The following KIF16B variants were observed in gnomAD, a reference collection of about 807,000 sequenced individuals.
KIF16B encodes the protein kinesin-like protein KIF16B.
In KIF16B, 98 loss-of-function variants were observed where a neutral mutation model predicts 156.3. The ratio of observed to expected loss-of-function variants is 0.63; its 90% confidence interval spans 0.53 to 0.74. KIF16B has a LOEUF of 0.74. Among genes scored for constraint, KIF16B ranks in the 30% least tolerant of loss-of-function variants. The pLI, the probability that KIF16B is intolerant of heterozygous loss-of-function variation, is 0.00. For synonymous variants in KIF16B, 564 were observed against 583.7 expected (o/e 0.97, Z 0.49); for missense variants, 1,421 against 1,606.5 (o/e 0.88, Z 1.97).
chr20:16,530,498 GC>G (rs924376390), intron 1 of KIF16B, among the ~76,000 whole-genome samples: 3 of 152,116 alleles, frequency 2.0e-5, no homozygotes, highest in African/African-American at 7.2e-5. Flanking sequence ...GGAAACAGGG[GC>G]CCGCTAGCAG....
At chr20:16,564,987 C>T (rs1026258410) in intron 1 of KIF16B, among the ~76,000 whole-genome samples, 4 of 152,042 alleles carry the variant, frequency 2.6e-5, no homozygotes, top group African/African-American at 4.8e-5. Flanking sequence ...CTCTCCATGC[C>T]CCTTCTCTCT....
intron 17 of KIF16B, among the ~76,000 whole-genome samples, chr20:16,395,222 GGGAGA>G (rs2146196165): frequency 3.0e-5 from 2 of 67,078 alleles, no homozygotes; most frequent in Admixed American, 1.5e-4. Flanking sequence ...GGGAGGGGAG[GGGAGA>G]GGAGGAGAGG....
At chr20:16,340,341 T>C (rs1429046822) in intron 23 of KIF16B, among the ~76,000 whole-genome samples, 2 of 152,224 alleles carry the variant, frequency 1.3e-5, no homozygotes, top group Non-Finnish European at 2.9e-5. Flanking sequence ...TCTTCTTCCC[T>C]AAATTATTTT....
intron 18 of KIF16B, among the ~76,000 whole-genome samples, chr20:16,381,022 G>T (rs188666102): frequency 1.2e-4 from 18 of 152,298 alleles, no homozygotes; most frequent in Admixed American, 5.2e-4. Context: ...TTACTTTGCA[G>T]ATTTTCTATA....
intron 12 of KIF16B, among the ~76,000 whole-genome samples, chr20:16,453,539 A>G (rs1358331479): frequency 2.6e-5 from 4 of 152,150 alleles, no homozygotes; most frequent in Non-Finnish European, 5.9e-5. Flanking sequence ...AAAACACTGG[A>G]AAAAAATATT....
At chr20:16,340,589 T>C (rs1007923877) in intron 23 of KIF16B, among the ~76,000 whole-genome samples, 4 of 152,214 alleles carry the variant, frequency 2.6e-5, no homozygotes, top group African/African-American at 4.8e-5. Context: ...GAATCAGCAA[T>C]GGCTTTTTTA....
chr20:16,319,411 C>T (rs932885740), intron 24 of KIF16B, among the ~76,000 whole-genome samples: 18 of 152,116 alleles, frequency 1.2e-4, no homozygotes, highest in African/African-American at 4.1e-4. Context: ...TCTGATCCTA[C>T]ACACGAGGAG....
intron 10 of KIF16B, among the ~76,000 whole-genome samples, chr20:16,499,614 T>C (rs193016278): frequency 2.0e-5 from 3 of 152,338 alleles, no homozygotes; most frequent in East Asian, 3.9e-4. Context: ...TTATATGTGG[T>C]TGACAATTTT....
At chr20:16,472,559 A>G (rs2067692499) in intron 12 of KIF16B, among the ~76,000 whole-genome samples, 1 of 150,990 alleles carries the variant, frequency 6.6e-6, no homozygotes, top group Admixed American at 6.6e-5. Context: ...AAATTAAAAA[A>G]AAAAAAAAAA....
At chr20:16,553,815 C>T (rs941348677) in intron 1 of KIF16B, among the ~76,000 whole-genome samples, 1 of 134,686 alleles carries the variant, frequency 7.4e-6, no homozygotes, top group African/African-American at 2.7e-5. Flanking sequence ...TCCACAGAGC[C>T]AGCAGGAGCC....
At chr20:16,472,730 A>G (rs2067698801) in intron 12 of KIF16B, among the ~76,000 whole-genome samples, 1 of 152,110 alleles carries the variant, frequency 6.6e-6, no homozygotes, top group African/African-American at 2.4e-5. Flanking sequence ...GTGTTCAGAG[A>G]ACAAACCTCT....
chr20:16,341,943 T>A (rs1261311372), intron 23 of KIF16B, among the ~76,000 whole-genome samples: 6 of 152,192 alleles, frequency 3.9e-5, no homozygotes, highest in South Asian at 4.1e-4. Context: ...AACGTGTGAA[T>A]AAAGAAATAT....
intron 12 of KIF16B, among the ~76,000 whole-genome samples, chr20:16,437,539 GGGACAGGTATGT>G (rs2066674958): frequency 6.6e-6 from 1 of 152,178 alleles, no homozygotes; most frequent in Non-Finnish European, 1.5e-5. Flanking sequence ...TGAGAGTCAC[GGGACAGGTATGT>G]GGATTCTATG....
chr20:16,338,594 G>A (rs2064083628), intron 23 of KIF16B, among the ~76,000 whole-genome samples: 1 of 152,120 alleles, frequency 6.6e-6, no homozygotes, highest in Non-Finnish European at 1.5e-5. Context: ...ATCCTCATAA[G>A]CACAAAACCT....
At chr20:16,277,739 G>A (rs1220077118) in intron 25 of KIF16B, among the ~76,000 whole-genome samples, 1 of 152,086 alleles carries the variant, frequency 6.6e-6, no homozygotes, top group Admixed American at 6.5e-5. Context: ...AAGGATATTA[G>A]GAGTTTAAGT....
At chr20:16,330,463 GAA>G (rs915937476) in intron 24 of KIF16B, among the ~76,000 whole-genome samples, 1 of 152,196 alleles carries the variant, frequency 6.6e-6, no homozygotes, top group African/African-American at 2.4e-5. Context: ...TGGTTTTTCA[GAA>G]AGTCTTTAAG....
Position 16,526,091 on chromosome 20 carries a change from C to T in KIF16B, c.231+1G>A, listed in dbSNP as rs531377788. ...ATAAATATTTTGAAAATATCATATA[C>T]CATTTCTTGTGAAACGTAATCTGGG... On this transcript the variant is annotated splice_donor_variant, in intron 3 of 25. Transcript: ENST00000354981. LOFTEE classifies it high-confidence loss of function. 9.4e-6 allele frequency: 14 copies of T among 1,497,146 alleles called. No individual in the cohort carries two copies. Among genetic ancestry groups the T allele is most frequent in the Middle Eastern group, 1.7e-4 (1 of 5,796 alleles). The allele number at this position is 1,497,146 out of a possible 1,614,324, so 92.7% of individuals were successfully genotyped here.
chr20:16,511,043 G>T (rs935900898), intron 6 of KIF16B, among the ~76,000 whole-genome samples: 8 of 152,230 alleles, frequency 5.3e-5, no homozygotes, highest in Admixed American at 1.3e-4. Flanking sequence ...GAAGACGCAA[G>T]AGGTTCAGAA....
intron 15 of KIF16B, among the ~76,000 whole-genome samples, chr20:16,410,311 GTGTGTGTGTATA>G (rs1430292519): frequency 3.4e-5 from 5 of 147,108 alleles, no homozygotes; most frequent in African/African-American, 5.0e-5. Context: ...GTGTGTGTGT[GTGTGTGTGTATA>G]TGTGTGTGTG....
Sources: allele counts gnomAD v4.1 joint callset (sites outside exome capture counted in the v4.1 genomes callset), GRCh38; gene constraint gnomAD v4.1.1; transcripts MANE v1.5; gene names NCBI Gene and HGNC (gene_info 2026-07-23, HGNC 2026-07-21).